Variants in FTCD observed in about 807,000 individuals in gnomAD.
FTCD encodes formimidoyltransferase-cyclodeaminase.
A neutral mutation model predicts 62.9 loss-of-function variants in FTCD; 76 were observed. That is an observed-to-expected ratio of 1.21 (90% CI 1.00 to 1.46). FTCD has a LOEUF of 1.46. Ranked by LOEUF, FTCD falls within the 40% of genes most tolerant of loss-of-function variation. The pLI, the probability that FTCD is intolerant of heterozygous loss-of-function variation, is 0.00. For missense variants in FTCD, 845 were observed against 751.3 expected, an observed-to-expected ratio of 1.12 and a Z score of -1.46; for synonymous variants, 397 against 336.9, an observed-to-expected ratio of 1.18 and a Z score of -1.95.
chr21:46,139,655 C>T (rs1375282469), intron 10 of FTCD, among the ~76,000 whole-genome samples: 3 of 152,240 alleles, frequency 2.0e-5, no homozygotes, highest in Non-Finnish European at 4.4e-5. Context: ...AGAGCAAATG[C>T]TCCCTGGGCG....
chr21:46,155,537 A>G lies in FTCD; in HGVS notation c.-14T>C, dbSNP rs772066307. 45 of 1,611,634 alleles carry G rather than the reference A, an allele frequency of 2.8e-5. No homozygotes were observed. The highest frequency in any genetic ancestry group is 3.6e-5 in the Non-Finnish European group (43 of 1,178,952). On this transcript the variant is annotated 5_prime_UTR_variant, in exon 1 of 14. Transcript: ENST00000397746. ...CAGCTGGGACATGGCCAGCACCTTG[A>G]TCCAGATGCTCCTCTCTGGGCAGAT...
intron 1 of FTCD, among the ~76,000 whole-genome samples, chr21:46,154,679 AC>A (rs368257798): frequency 3.9e-5 from 6 of 152,066 alleles, no homozygotes; most frequent in African/African-American, 1.4e-4. Flanking sequence ...AGGGGCCGGG[AC>A]CCCCACCCCC....
In FTCD at chr21:46,153,123, G is replaced by A. The variant is rs146288426; in HGVS notation, c.239-88C>T. The A allele has an allele frequency of 8.5e-5, 117 of 1,371,568 alleles. No homozygotes were observed. In the Admixed American group the frequency reaches 8.7e-4, roughly 10 times the overall value. 85.0% of individuals were successfully genotyped at this position (1,371,568 alleles called of 1,614,324 possible). On this transcript the variant is annotated intron_variant, in intron 2 of 13. Coordinates refer to ENST00000397746, the MANE Select transcript of FTCD (RefSeq NM_206965.2). ...GGTTCTCGGACCCTCTGTCCTCTCCGGCCTGGGCAGCCCCCAGTCCACACA... is the reference window on the plus strand; with the variant it reads ...GGTTCTCGGACCCTCTGTCCTCTCCAGCCTGGGCAGCCCCCAGTCCACACA...
At chr21:46,151,080 T>C (rs953124346) in intron 5 of FTCD, among the ~76,000 whole-genome samples, 1 of 152,124 alleles carries the variant, frequency 6.6e-6, no homozygotes, top group Non-Finnish European at 1.5e-5. Context: ...GATGGGCAGG[T>C]GGTCCCCCCC....
At chr21:46,152,693 G>A (rs1329998848) in intron 3 of FTCD, 11 of 510,076 alleles carry the variant, frequency 2.2e-5, no homozygotes, top group Middle Eastern at 4.9e-4. Flanking sequence ...GCTGCTCTGC[G>A]GTGTAGTCTG....
At chr21:46,151,220 G>A (rs1246003212) in intron 5 of FTCD, among the ~76,000 whole-genome samples, 4 of 152,178 alleles carry the variant, frequency 2.6e-5, no homozygotes, top group Non-Finnish European at 5.9e-5. Context: ...GCATCTGGAG[G>A]GATATGGGGG....
intron 10 of FTCD, among the ~76,000 whole-genome samples, chr21:46,141,327 G>A (rs2123496822): frequency 6.6e-6 from 1 of 151,654 alleles, no homozygotes; most frequent in South Asian, 2.1e-4. Context: ...TTTTTGGGTG[G>A]GTAAATACAG....
chr21:46,139,033 G>C, intron 10 of FTCD, 110 bp from the exon 11 acceptor site: 1 of 850,942 alleles, frequency 1.2e-6, no homozygotes, highest in Non-Finnish European at 2.0e-6. Context: ...GCAGGGACCA[G>C]TTCTCTGGGA....
intron 10 of FTCD, among the ~76,000 whole-genome samples, chr21:46,139,872 ACT>A (rs1026351811): frequency 2.0e-5 from 3 of 151,458 alleles, no homozygotes; most frequent in African/African-American, 7.3e-5. Flanking sequence ...CGCTACGAAC[ACT>A]CTCTCACACC....
At chr21:46,145,722 C>T in intron 9 of FTCD, 96 bp downstream of exon 9, 1 of 390,704 alleles carries the variant, frequency 2.6e-6, no homozygotes, top group Non-Finnish European at 4.2e-6. Context: ...CCCACCGCGC[C>T]CTCCCCACCC....
rs751645095 is a variant in FTCD at position 46,150,231 on chromosome 21, A to C, written c.794T>G (p.Val265Gly). ...REAQELSLPV[V>G]GSQLVGLVPL... is the part of the protein sequence containing the mutation. The stretch of plus-strand genomic sequence containing the variant: ...CACCAGGCCCACCAGCTGTGAGCCC[A>C]CCACTGGGAGGCTCAGCTCCTGCCA... The change falls in exon 7 of 14, where the codon GTG becomes GGG. Residue 265 changes from valine (V) to glycine (G), a missense_variant. Val to Gly is a moderately radical substitution (Grantham distance 109). Transcript: ENST00000397746. 6.2e-7 allele frequency: 1 copy of C among 1,609,584 alleles called. No individual in the cohort carries two copies. The highest frequency in any genetic ancestry group is 8.5e-7 in the Non-Finnish European group (1 of 1,178,600).
intron 1 of FTCD, 69 bp downstream of exon 1, chr21:46,155,401 T>C (rs946678172): frequency 5.3e-6 from 7 of 1,309,566 alleles, no homozygotes; most frequent in East Asian, 2.4e-5. Context: ...ACCTCCTCCA[T>C]GGCCTGGGCC....
At chr21:46,148,632 A>T (rs1274023358) in intron 7 of FTCD, among the ~76,000 whole-genome samples, 4 of 152,212 alleles carry the variant, frequency 2.6e-5, no homozygotes, top group Admixed American at 2.0e-4. Flanking sequence ...AGAAGTAACA[A>T]ATTAAATTAA....
In FTCD at chr21:46,137,016, G is replaced by A; in HGVS notation, c.1597C>T (p.Leu533=). 1.2e-6 allele frequency: 2 copies of A among 1,613,576 alleles called. No homozygotes were observed. The highest frequency in any genetic ancestry group is 1.3e-5 in the African/African-American group (1 of 75,056). The change falls in exon 14 of 14, where the codon CTG becomes TTG. Residue 533 remains leucine, a synonymous_variant. Coordinates refer to ENST00000397746, the MANE Select transcript of FTCD (RefSeq NM_206965.2). The part of the protein sequence containing the change: ...QEAKTQAALV[L]DCLETRQE The stretch of plus-strand genomic sequence containing the variant: ...TCCTGCCGGGTCTCCAAGCAGTCCA[G>A]CACCAGTGCAGCCTGGGTCTTGGCT...
Position 46,138,655 on chromosome 21 carries a change from A to C in FTCD, c.1305-9T>G. 1 of 1,596,256 alleles carries C rather than the reference A, an allele frequency of 6.3e-7. No individual in the cohort carries two copies. The highest frequency in any genetic ancestry group is 1.3e-5 in the African/African-American group (1 of 74,974). Reference sequence around the variant, plus strand: ...GTAGGGCCGCCGTGCGCCTGAAAGGAGCAAGAGGAGAGCCTGAGCACAGCG... The same window carrying C: ...GTAGGGCCGCCGTGCGCCTGAAAGGCGCAAGAGGAGAGCCTGAGCACAGCG... On this transcript the variant is annotated splice_polypyrimidine_tract_variant and intron_variant, in intron 11 of 13. Coordinates refer to ENST00000397746, the MANE Select transcript of FTCD (RefSeq NM_206965.2).
At position 46,148,512 on chromosome 21, in the gene FTCD, G is replaced by A. The variant is rs138013977; in HGVS notation, c.906+1607C>T. Among the ~76,000 whole-genome samples the A allele has an allele frequency of 3.1e-3, 467 of 152,296 alleles. 6 individuals carry two copies. Among genetic ancestry groups the A allele is most frequent in the African/African-American group, 0.011 (437 of 41,548 alleles). ...TCCTTGCCTGTAATCCCAGCACTTT[G>A]AGAGGCTGAGGTGGGAAGATCACCT... On this transcript the variant is annotated intron_variant, in intron 7 of 13. Transcript: ENST00000397746.
Position 46,138,877 on chromosome 21 carries a change from C to T in FTCD, c.1304+3G>A, listed in dbSNP as rs548190645. ...CACGGTGCGGCCGGCCCTCCAGGCT[C>T]ACCTGTCCTTTTCCTCAGGTGTGTT... On this transcript the variant is annotated splice_donor_region_variant and intron_variant, in intron 11 of 13. Transcript: ENST00000397746. 3 of 1,611,656 alleles carry T rather than the reference C, an allele frequency of 1.9e-6. No homozygotes were observed. Among genetic ancestry groups the T allele is most frequent in the East Asian group, 4.5e-5 (2 of 44,866 alleles).
In FTCD at chr21:46,150,141, T is replaced by A; in HGVS notation, c.884A>T (p.Glu295Val). 6.8e-7 allele frequency: 1 copy of A among 1,481,222 alleles called. No individual in the cohort carries two copies. Among genetic ancestry groups the A allele is most frequent in the Non-Finnish European group, 9.1e-7 (1 of 1,096,528 alleles). 91.8% of individuals were successfully genotyped at this position (1,481,222 alleles called of 1,614,324 possible). Reference sequence around the variant, plus strand: ...CACCAGCCTGATCCGCTGCTCCTCCTCCAGGATGAAGAGGTTCTCCTTCTC... The same window carrying A: ...CACCAGCCTGATCCGCTGCTCCTCCACCAGGATGAAGAGGTTCTCCTTCTC... ...YCEKENLFIL[E>V]EEQRIRLVVS... Residue 295 changes from glutamate (E) to valine (V), a missense_variant, in exon 7 of 14, where the codon GAG (glutamate) becomes GTG (valine). Physicochemically the swap from Glu to Val is moderately radical, Grantham distance 121 (BLOSUM62 -2). Transcript: ENST00000397746.
At chr21:46,147,700 A>T (rs755544482) in intron 7 of FTCD, among the ~76,000 whole-genome samples, 182 of 152,186 alleles carry the variant, frequency 1.2e-3, no homozygotes, top group Non-Finnish European at 2.4e-3. Context: ...GTGCTTTGGG[A>T]GGCTGAGGCG....
Sources: allele counts gnomAD v4.1 joint callset (sites outside exome capture counted in the v4.1 genomes callset), GRCh38; gene constraint gnomAD v4.1.1; transcripts MANE v1.5; gene names NCBI Gene and HGNC (gene_info 2026-07-23, HGNC 2026-07-21).